PCDHGA8: variants seen among roughly 807,000 people sequenced by gnomAD.
PCDHGA8 encodes protocadherin gamma-A8.
Under a neutral mutation model 59.2 loss-of-function variants are expected in PCDHGA8, and 45 were observed. The observed-to-expected ratio is 0.76, with a 90% confidence interval of 0.60 to 0.98. The LOEUF is 0.98. PCDHGA8 is among the 50% of genes least tolerant of loss of function. The pLI, the probability that PCDHGA8 is intolerant of heterozygous loss-of-function variation, is 0.00. For synonymous variants in PCDHGA8, 531 were observed against 519.0 expected (o/e 1.02, Z -0.32); for missense variants, 1,257 against 1,196.2 (o/e 1.05, Z -0.75).
intron 1 of PCDHGA8, among the ~76,000 whole-genome samples, chr5:141,437,236 C>A (rs2154557405): frequency 6.6e-6 from 1 of 152,278 alleles, no homozygotes; most frequent in South Asian, 2.1e-4. Context: ...AAAATTATGT[C>A]AAGGACTTTC....
intron 1 of PCDHGA8, chr5:141,421,777 CG>C (rs760013586): frequency 1.2e-6 from 2 of 1,613,804 alleles, no homozygotes; most frequent in Admixed American, 3.3e-5. Flanking sequence ...CTTGCAACTG[CG>C]GGGCAGAACG....
At position 141,410,750 on chromosome 5, in the gene PCDHGA8, A is replaced by G. The variant is rs1256862831; in HGVS notation, c.2424+15513A>G. Reference sequence around the variant, plus strand: ...CATAGCTTTTTACAATATTTTCTCAATGTTTTTTCAATTATAGTTTTCACT... The same window carrying G: ...CATAGCTTTTTACAATATTTTCTCAGTGTTTTTTCAATTATAGTTTTCACT... On this transcript the variant is annotated intron_variant, in intron 1 of 3. Coordinates refer to ENST00000398604, the MANE Select transcript of PCDHGA8 (RefSeq NM_032088.2). 23 of 1,243,022 alleles carry G rather than the reference A, an allele frequency of 1.9e-5. No homozygotes were observed. The East Asian group carries it at 4.4e-4, about 24-fold the overall frequency. 77.0% of individuals were successfully genotyped at this position (1,243,022 alleles called of 1,614,324 possible). A position where few individuals can be genotyped will look rare whatever the true frequency, so the allele number is the denominator to read the frequency against.
At chr5:141,430,782 G>A (rs1220976669) in intron 1 of PCDHGA8, 2 of 1,510,858 alleles carry the variant, frequency 1.3e-6, no homozygotes, top group Non-Finnish European at 1.8e-6. Flanking sequence ...CGACTGCACC[G>A]GGACTACAAA....
intron 1 of PCDHGA8, chr5:141,408,468 G>T: frequency 6.2e-7 from 1 of 1,614,070 alleles, no homozygotes; most frequent in Non-Finnish European, 8.5e-7. Context: ...GTGAAGAACC[G>T]AATAGACCGT....
rs1316573600 is a variant in PCDHGA8 at position 141,490,443 on chromosome 5, G to A, written c.2425-4364G>A. The A allele has an allele frequency of 1.2e-6, 2 of 1,614,174 alleles. No individual in the cohort carries two copies. Among genetic ancestry groups the A allele is most frequent in the Non-Finnish European group, 8.5e-7 (1 of 1,180,042 alleles). On this transcript the variant is annotated intron_variant, in intron 1 of 3. Coordinates refer to ENST00000398604, the MANE Select transcript of PCDHGA8 (RefSeq NM_032088.2). The surrounding 1 kb of genome is among the most constrained non-coding windows in gnomAD (Gnocchi z 5.4). ...TGCCATTTCAGATTAAGCCTTCTGA[G>A]AACCACTACTCGCTGCTAACCAGCC...
At chr5:141,422,318 G>A (rs778935746) in intron 1 of PCDHGA8, 10 of 1,548,110 alleles carry the variant, frequency 6.5e-6, no homozygotes, top group Non-Finnish European at 7.8e-6. Context: ...TCTCCTCCAG[G>A]TACAGTGATT....
Position 141,493,957 on chromosome 5 carries a change from G to A in PCDHGA8, c.2425-850G>A, listed in dbSNP as rs1360777586. 6.6e-6 allele frequency among the ~76,000 whole-genome samples: 1 copy of A among 152,228 alleles called. No individual in the cohort carries two copies. The highest frequency in any genetic ancestry group is 2.4e-5 in the African/African-American group (1 of 41,458). On this transcript the variant is annotated intron_variant, in intron 1 of 3. Coordinates refer to ENST00000398604, the MANE Select transcript of PCDHGA8 (RefSeq NM_032088.2). This position sits in a 1 kb window ranked among gnomAD's most constrained non-coding sequence, Gnocchi z 4.3. ...AGACCAGAAGGGACTCAGGAATGAA[G>A]TGGCTGGCCAGAGCCCCACACCTTC... is the stretch of plus-strand genomic sequence containing the variant.
At chr5:141,439,215 G>A (rs1319217047) in intron 1 of PCDHGA8, among the ~76,000 whole-genome samples, 2 of 151,488 alleles carry the variant, frequency 1.3e-5, no homozygotes, top group African/African-American at 4.9e-5. Flanking sequence ...ATCCATATGT[G>A]AAAATTCTTA....
At chr5:141,409,137 T>G (rs748502213) in intron 1 of PCDHGA8, 1 of 1,613,936 alleles carries the variant, frequency 6.2e-7, no homozygotes, top group Non-Finnish European at 8.5e-7. Flanking sequence ...TTTGAAGATG[T>G]AGAAAGGTAC....
At chr5:141,483,584 T>C (rs2099583159) in intron 1 of PCDHGA8, among the ~76,000 whole-genome samples, 1 of 152,064 alleles carries the variant, frequency 6.6e-6, no homozygotes, top group African/African-American at 2.4e-5. Context: ...CATAAACACC[T>C]AATAGGTCAG....
rs752412467 is a variant in PCDHGA8 at position 141,405,390 on chromosome 5, TTTTC to T, written c.2424+10165_2424+10168del. On this transcript the variant is annotated intron_variant, in intron 1 of 3. Transcript: ENST00000398604. ...CCTTTGGTTCCGGTGAGTTCATTTTTTTTCTTTCTTTCTTTTCTTTTTTTGTTTT... is the reference window on the plus strand; with the variant it reads ...CCTTTGGTTCCGGTGAGTTCATTTTTTTTCTTTCTTTTCTTTTTTTGTTTT... 1.6e-5 allele frequency: 26 copies of T among 1,600,118 alleles called. No homozygotes were observed. The East Asian group carries it at 1.8e-4, about 11-fold the overall frequency.
At position 141,393,481 on chromosome 5, in the gene PCDHGA8, C is replaced by A. The variant is rs368525192; in HGVS notation, c.668C>A (p.Ser223Tyr). Residue 223 changes from serine to tyrosine, a missense_variant, in exon 1 of 4, where the codon TCT becomes TAT. Physicochemically the swap from Ser to Tyr is moderately radical, Grantham distance 144. Coordinates refer to ENST00000398604, the MANE Select transcript of PCDHGA8 (RefSeq NM_032088.2). ...TASDGGKPPR[S>Y]STVRIHVTVL... Reference sequence around the variant, plus strand: ...TCGGATGGCGGCAAGCCGCCTCGCTCTAGCACAGTGCGCATCCACGTGACA... The same window carrying A: ...TCGGATGGCGGCAAGCCGCCTCGCTATAGCACAGTGCGCATCCACGTGACA... 6.2e-7 allele frequency: 1 copy of A among 1,614,066 alleles called. No individual in the cohort carries two copies. Among genetic ancestry groups the A allele is most frequent in the Non-Finnish European group, 8.5e-7 (1 of 1,179,906 alleles).
chr5:141,446,138 T>C (rs1254949926), intron 1 of PCDHGA8, among the ~76,000 whole-genome samples: 1 of 152,208 alleles, frequency 6.6e-6, no homozygotes, highest in African/African-American at 2.4e-5. Context: ...GACTTAATAA[T>C]GGAATAGGTG....
chr5:141,491,980 C>A lies in PCDHGA8; in HGVS notation c.2425-2827C>A. On this transcript the variant is annotated intron_variant, in intron 1 of 3. Coordinates refer to ENST00000398604, the MANE Select transcript of PCDHGA8 (RefSeq NM_032088.2). This position sits in a 1 kb window ranked among gnomAD's most constrained non-coding sequence, Gnocchi z 6.9. ...AAAAAAGGCCGGGGCCTCCTTCGAGCTTCCGGTGAATTTCGGGCGATTTCC... is the reference window on the plus strand; with the variant it reads ...AAAAAAGGCCGGGGCCTCCTTCGAGATTCCGGTGAATTTCGGGCGATTTCC... 1.3e-6 allele frequency: 1 copy of A among 784,426 alleles called. No homozygotes were observed. Among genetic ancestry groups the A allele is most frequent in the Non-Finnish European group, 1.9e-6 (1 of 530,582 alleles). The allele number at this position is 784,426 out of a possible 1,614,324, so 48.6% of individuals were successfully genotyped here.
chr5:141,403,204 G>C, intron 1 of PCDHGA8: 3 of 1,613,952 alleles, frequency 1.9e-6, no homozygotes, highest in Non-Finnish European at 2.5e-6. Flanking sequence ...GCGGCACCTT[G>C]GTCACCGCGG....
intron 1 of PCDHGA8, chr5:141,408,883 C>A: frequency 6.2e-7 from 1 of 1,613,462 alleles, no homozygotes; most frequent in Non-Finnish European, 8.5e-7. Flanking sequence ...CCACCGCTCA[C>A]ATAGAAATTT....
Position 141,511,617 on chromosome 5 carries a change from C to T in PCDHGA8, c.*444C>T, listed in dbSNP as rs1562253545. The T allele has an allele frequency of 4.3e-6, 1 of 233,232 alleles. No homozygotes were observed. Among genetic ancestry groups the T allele is most frequent in the African/African-American group, 2.2e-5 (1 of 45,220 alleles). The allele number at this position is 233,232 out of a possible 1,614,324, so 14.4% of individuals were successfully genotyped here. A position where few individuals can be genotyped will look rare whatever the true frequency, so the allele number is the denominator to read the frequency against. Reference sequence around the variant, plus strand: ...CAAGTAACCTACAAGCCTCCTAGTTCTGAAAAGTTGGAAGGGCATCATGAC... The same window carrying T: ...CAAGTAACCTACAAGCCTCCTAGTTTTGAAAAGTTGGAAGGGCATCATGAC... On this transcript the variant is annotated 3_prime_UTR_variant, in exon 4 of 4. Coordinates refer to ENST00000398604, the MANE Select transcript of PCDHGA8 (RefSeq NM_032088.2).
chr5:141,432,506 G>A lies in PCDHGA8; in HGVS notation c.2424+37269G>A. 3 of 1,614,140 alleles carry A rather than the reference G, an allele frequency of 1.9e-6. No homozygotes were observed. Among genetic ancestry groups the A allele is most frequent in the Non-Finnish European group, 2.5e-6 (3 of 1,180,036 alleles). On this transcript the variant is annotated intron_variant, in intron 1 of 3. Transcript: ENST00000398604. This position sits in a 1 kb window ranked among gnomAD's most constrained non-coding sequence, Gnocchi z 6.0. ...CGTGGAGCTGGCTCCCCGCTCCGCA[G>A]AGCCCGGCTACCTGGTGACCAAGGT... is the stretch of plus-strand genomic sequence containing the variant.
rs780664832 is a variant in PCDHGA8 at position 141,422,982 on chromosome 5, T to C, written c.2424+27745T>C. On this transcript the variant is annotated intron_variant, in intron 1 of 3. Coordinates refer to ENST00000398604, the MANE Select transcript of PCDHGA8 (RefSeq NM_032088.2). ...AGCTGGCGCCCCGCTCTGCGGAACC[T>C]GGCTACCTGGTGACCAAGGTGGTTG... 2.5e-6 allele frequency: 4 copies of C among 1,614,206 alleles called. No individual in the cohort carries two copies. The South Asian group carries it at 4.4e-5, about 18-fold the overall frequency.
Sources: allele counts gnomAD v4.1 joint callset (sites outside exome capture counted in the v4.1 genomes callset), GRCh38; gene constraint gnomAD v4.1.1; non-coding constraint Gnocchi (gnomAD v3.1); transcripts MANE v1.5; gene names NCBI Gene and HGNC (gene_info 2026-07-23, HGNC 2026-07-21).